The following FAT3 variants were observed in gnomAD, a reference collection of about 807,000 sequenced individuals.
The protein encoded by FAT3 is FAT atypical cadherin 3.
FAT3 carries 95 observed loss-of-function variants against 310.2 expected under a neutral mutation model. The observed-to-expected ratio is 0.31, with a 90% CI of 0.26 to 0.36. The LOEUF (loss-of-function observed/expected upper bound fraction) is 0.36. Ranked by LOEUF, FAT3 falls within the 10% of genes least tolerant of loss-of-function variation. The pLI, the probability that FAT3 is intolerant of heterozygous loss-of-function variation, is 1.00. For missense variants in FAT3, 5,408 were observed against 5,715.6 expected, an observed-to-expected ratio of 0.95 and a Z score of 1.74; for synonymous variants, 2,314 against 2,192.9, an observed-to-expected ratio of 1.06 and a Z score of -1.54.
intron 2 of FAT3, among the ~76,000 whole-genome samples, chr11:92,385,641 T>C (rs1035703196): frequency 2.6e-5 from 4 of 152,060 alleles, no homozygotes; most frequent in African/African-American, 9.7e-5. Context: ...GTGCTGGGAT[T>C]ATAGACATCA....
At chr11:92,256,956 T>C (rs1478980830) in intron 1 of FAT3, among the ~76,000 whole-genome samples, 1 of 152,096 alleles carries the variant, frequency 6.6e-6, no homozygotes, top group Non-Finnish European at 1.5e-5. Flanking sequence ...TTCCTTGTAA[T>C]AGTAGCAACA....
At chr11:92,260,852 T>C (rs1380188504) in intron 1 of FAT3, among the ~76,000 whole-genome samples, 4 of 151,980 alleles carry the variant, frequency 2.6e-5, no homozygotes, top group African/African-American at 7.2e-5. Flanking sequence ...ATTTTGAGAA[T>C]TGCAAGCTGA....
chr11:92,781,878 CTAT>C (rs1417224385), intron 7 of FAT3, among the ~76,000 whole-genome samples: 1 of 152,114 alleles, frequency 6.6e-6, no homozygotes, highest in Non-Finnish European at 1.5e-5. Flanking sequence ...ATGTGTATGG[CTAT>C]TATTGTTATT....
intron 1 of FAT3, among the ~76,000 whole-genome samples, chr11:92,276,078 C>A (rs1946262224): frequency 6.6e-6 from 1 of 151,900 alleles, no homozygotes; most frequent in Non-Finnish European, 1.5e-5. Context: ...ACTTTTTCTG[C>A]CAAATTGTAG....
chr11:92,751,976 A>C (rs1203916790), intron 4 of FAT3, among the ~76,000 whole-genome samples: 1 of 152,082 alleles, frequency 6.6e-6, no homozygotes. Flanking sequence ...ATCGTAGGTA[A>C]ATGATCAAGC....
intron 3 of FAT3, among the ~76,000 whole-genome samples, chr11:92,565,822 G>A (rs1955416374): frequency 6.6e-6 from 1 of 152,160 alleles, no homozygotes. Context: ...AAAGGCCTTT[G>A]ACAAAATTCA....
At chr11:92,275,662 A>G (rs547225528) in intron 1 of FAT3, among the ~76,000 whole-genome samples, 125 of 152,132 alleles carry the variant, frequency 8.2e-4, no homozygotes, top group African/African-American at 2.8e-3. Context: ...ACCACACTTA[A>G]GTCTCTACCA....
At chr11:92,568,229 G>T (rs1245565974) in intron 3 of FAT3, among the ~76,000 whole-genome samples, 1 of 152,150 alleles carries the variant, frequency 6.6e-6, no homozygotes, top group East Asian at 1.9e-4. Context: ...AATGCATTTT[G>T]CAATTTCTAA....
intron 2 of FAT3, among the ~76,000 whole-genome samples, chr11:92,369,479 T>C (rs1321173974): frequency 2.0e-5 from 3 of 152,108 alleles, no homozygotes; most frequent in Admixed American, 2.0e-4. Context: ...ACCAAGTTTG[T>C]ATGTGAGTGG....
intron 2 of FAT3, among the ~76,000 whole-genome samples, chr11:92,409,658 A>G (rs932141934): frequency 1.3e-5 from 2 of 152,192 alleles, no homozygotes; most frequent in Non-Finnish European, 2.9e-5. Context: ...TGTATTTGGT[A>G]TTCAAAAGAA....
chr11:92,540,508 G>T lies in FAT3; in HGVS notation c.3607+15560G>T, dbSNP rs377080116. 1.4e-3 allele frequency among the ~76,000 whole-genome samples: 220 copies of T among 152,240 alleles called. 6 individuals are homozygous for T. The South Asian group carries it at 0.043, about 30-fold the overall frequency. Reference sequence around the variant, plus strand: ...CTTTTTTGGAAATTAATCATAGAGGGTAAGAAAGTAAGTGAGGCTTCTTTT... The same window carrying T: ...CTTTTTTGGAAATTAATCATAGAGGTTAAGAAAGTAAGTGAGGCTTCTTTT... On this transcript the variant is annotated intron_variant, in intron 3 of 27. Coordinates refer to ENST00000525166, the MANE Select transcript of FAT3 (RefSeq NM_001367949.2).
intron 4 of FAT3, among the ~76,000 whole-genome samples, chr11:92,716,257 G>A (rs979140263): frequency 9.9e-5 from 15 of 152,190 alleles, no homozygotes; most frequent in Admixed American, 6.5e-5. Context: ...CCTCATGGAT[G>A]TCAGAAGCTG....
chr11:92,658,249 T>C (rs1290745506), intron 3 of FAT3, among the ~76,000 whole-genome samples: 1 of 152,202 alleles, frequency 6.6e-6, no homozygotes, highest in Non-Finnish European at 1.5e-5. Context: ...CTTAAACAAG[T>C]TGTTCCAAAT....
At chr11:92,250,376 A>G (rs892021382) in intron 1 of FAT3, among the ~76,000 whole-genome samples, 1 of 152,124 alleles carries the variant, frequency 6.6e-6, no homozygotes, top group African/African-American at 2.4e-5. Context: ...AAGCATTTTT[A>G]TTATAATATA....
intron 3 of FAT3, among the ~76,000 whole-genome samples, chr11:92,652,896 C>T (rs1241618074): frequency 3.9e-5 from 6 of 152,180 alleles, no homozygotes; most frequent in Non-Finnish European, 8.8e-5. Context: ...GGCACAGTGG[C>T]TCACGCCTGT....
chr11:92,742,382 G>A (rs2136029608), intron 4 of FAT3, among the ~76,000 whole-genome samples: 1 of 152,288 alleles, frequency 6.6e-6, no homozygotes. Context: ...CAAGGGCCTT[G>A]GAAGTATATT....
intron 3 of FAT3, among the ~76,000 whole-genome samples, chr11:92,654,665 A>G (rs1942513784): frequency 6.6e-6 from 1 of 152,104 alleles, no homozygotes; most frequent in Non-Finnish European, 1.5e-5. Flanking sequence ...CCCAACCACC[A>G]CTACTATATT....
chr11:92,432,476 C>G (rs547331652), intron 2 of FAT3, among the ~76,000 whole-genome samples: 81 of 152,224 alleles, frequency 5.3e-4, no homozygotes, highest in African/African-American at 1.9e-3. Context: ...GATGTTCATG[C>G]TATAGCTTTC....
chr11:92,569,251 A>C (rs536529396), intron 3 of FAT3, among the ~76,000 whole-genome samples: 2 of 152,294 alleles, frequency 1.3e-5, no homozygotes, highest in South Asian at 4.1e-4. Flanking sequence ...CTTCTCAGTA[A>C]AATGAAGATA....
Sources: allele counts gnomAD v4.1 joint callset (sites outside exome capture counted in the v4.1 genomes callset), GRCh38; gene constraint gnomAD v4.1.1; transcripts MANE v1.5; gene names NCBI Gene and HGNC (gene_info 2026-07-23, HGNC 2026-07-21).